EXOC6B: variants seen among roughly 807,000 people sequenced by gnomAD.
The protein encoded by EXOC6B is exocyst complex component 6B.
Under a neutral mutation model 113.5 loss-of-function variants are expected in EXOC6B, and 54 were observed. The ratio of observed to expected loss-of-function variants is 0.48; its 90% CI spans 0.38 to 0.60. The LOEUF is 0.60. Among genes scored for constraint, EXOC6B ranks in the 20% least tolerant of loss-of-function variants. EXOC6B has a pLI of 0.00. For synonymous variants in EXOC6B, 357 were observed against 339.0 expected, an observed-to-expected ratio of 1.05 and a Z score of -0.58; for missense variants, 797 against 977.5, an observed-to-expected ratio of 0.82 and a Z score of 2.46.
chr2:72,451,925 A>G (rs1696944673), intron 18 of EXOC6B, among the ~76,000 whole-genome samples: 1 of 152,172 alleles, frequency 6.6e-6, no homozygotes, highest in South Asian at 2.1e-4. Flanking sequence ...GTATTACAGA[A>G]GAGTGGAATA....
intron 1 of EXOC6B, among the ~76,000 whole-genome samples, chr2:72,821,947 A>G (rs1686605602): frequency 6.6e-6 from 1 of 152,222 alleles, no homozygotes; most frequent in African/African-American, 2.4e-5. Flanking sequence ...GGTAAATTGT[A>G]TGATACATGA....
intron 17 of EXOC6B, among the ~76,000 whole-genome samples, chr2:72,473,352 G>C (rs1698528430): frequency 6.6e-6 from 1 of 152,006 alleles, no homozygotes; most frequent in African/African-American, 2.4e-5. Context: ...TATGAATCTA[G>C]GTGCTCCAGT....
rs1553464052 is a variant in EXOC6B at position 72,671,787 on chromosome 2, G to GAAAGAAAGAA, written c.669+46306_669+46315dup. Among the ~76,000 whole-genome samples the GAAAGAAAGAA allele has an allele frequency of 6.4e-3, 670 of 104,914 alleles. 16 individuals are homozygous for GAAAGAAAGAA. Among genetic ancestry groups the GAAAGAAAGAA allele is most frequent in the African/African-American group, 0.025 (499 of 20,250 alleles). 68.8% of individuals were successfully genotyped at this position (104,914 alleles called of 152,430 possible). On this transcript the variant is annotated intron_variant, in intron 6 of 21. Coordinates refer to ENST00000272427, the MANE Select transcript of EXOC6B (RefSeq NM_015189.3). The stretch of plus-strand genomic sequence containing the variant: ...AGAAAGAAAGAAAGAAAGAAAGAAA[G>GAAAGAAAGAA]AAAGAAAGAAAGAAAGAAAGAAAGA...
At chr2:72,304,193 C>T (rs991335433) in intron 20 of EXOC6B, among the ~76,000 whole-genome samples, 55 of 152,280 alleles carry the variant, frequency 3.6e-4, no homozygotes, top group African/African-American at 1.3e-3. Flanking sequence ...TATGATTGGT[C>T]CATAATTTAG....
intron 6 of EXOC6B, among the ~76,000 whole-genome samples, chr2:72,648,892 C>T (rs182986027): frequency 6.6e-6 from 1 of 152,248 alleles, no homozygotes; most frequent in Admixed American, 6.5e-5. Flanking sequence ...GCTTGTAATT[C>T]CAGCACTTTG....
chr2:72,641,623 C>A (rs1161235506), intron 6 of EXOC6B, among the ~76,000 whole-genome samples: 2 of 152,252 alleles, frequency 1.3e-5, no homozygotes, highest in East Asian at 1.9e-4. Flanking sequence ...TAGACCCCAC[C>A]TCTGGGAGCA....
intron 21 of EXOC6B, among the ~76,000 whole-genome samples, chr2:72,182,719 C>G (rs577360817): frequency 6.6e-6 from 1 of 152,126 alleles, no homozygotes; most frequent in East Asian, 1.9e-4. Context: ...CTGTAAGGGC[C>G]AAGGATAGAG....
intron 18 of EXOC6B, among the ~76,000 whole-genome samples, chr2:72,459,564 GACAA>G (rs1257053332): frequency 6.6e-6 from 1 of 152,044 alleles, no homozygotes; most frequent in Non-Finnish European, 1.5e-5. Context: ...ACCAATAACA[GACAA>G]ACAGAGAGCC....
At chr2:72,194,482 AC>A (rs1679036640) in intron 20 of EXOC6B, among the ~76,000 whole-genome samples, 1 of 152,152 alleles carries the variant, frequency 6.6e-6, no homozygotes, top group South Asian at 2.1e-4. Context: ...GCAATTCATG[AC>A]ACAATCAACC....
In EXOC6B at chr2:72,726,743, G is replaced by A. The variant is rs144232536; in HGVS notation, c.464+4264C>T. Among the ~76,000 whole-genome samples the A allele has an allele frequency of 2.4e-3, 371 of 152,092 alleles. 1 individual carries two copies. Among genetic ancestry groups the A allele is most frequent in the African/African-American group, 8.6e-3 (355 of 41,512 alleles). Reference sequence around the variant, plus strand: ...AAGAATCTTGCATTGTGTGTGATTTGGTGTAATATTTAAAGACTCATTGTA... The same window carrying A: ...AAGAATCTTGCATTGTGTGTGATTTAGTGTAATATTTAAAGACTCATTGTA... On this transcript the variant is annotated intron_variant, in intron 5 of 21. Transcript: ENST00000272427.
Position 72,660,718 on chromosome 2 carries a change from T to C in EXOC6B, c.669+57385A>G, listed in dbSNP as rs545384450. Among the ~76,000 whole-genome samples the C allele has an allele frequency of 2.0e-5, 3 of 152,312 alleles. No homozygotes were observed. The South Asian group carries it at 6.2e-4, about 32-fold the overall frequency. On this transcript the variant is annotated intron_variant, in intron 6 of 21. Transcript: ENST00000272427. Reference sequence around the variant, plus strand: ...TAGTTATAAAATGATGACAGAAGTATTGGAGCAGCTATTTAAAGACTCTGA... The same window carrying C: ...TAGTTATAAAATGATGACAGAAGTACTGGAGCAGCTATTTAAAGACTCTGA...
chr2:72,471,337 G>C lies in EXOC6B; in HGVS notation c.1801-5998C>G, dbSNP rs368369597. ...TTGTTTTTTTCTTGTAAATTTGTTT[G>C]AGTTTATTGTAGATTCTGGATATTA... is the stretch of plus-strand genomic sequence containing the variant. On this transcript the variant is annotated intron_variant, in intron 17 of 21. Coordinates refer to ENST00000272427, the MANE Select transcript of EXOC6B (RefSeq NM_015189.3). Among the ~76,000 whole-genome samples, 523 of 152,096 alleles carry C rather than the reference G, an allele frequency of 3.4e-3. 2 individuals carry two copies. The highest frequency in any genetic ancestry group is 0.012 in the African/African-American group (498 of 41,522).
intron 7 of EXOC6B, among the ~76,000 whole-genome samples, chr2:72,572,291 G>A (rs1558807188): frequency 6.6e-6 from 1 of 152,110 alleles, no homozygotes; most frequent in East Asian, 1.9e-4. Context: ...GTTAAAAAAT[G>A]CAGACTCAGA....
chr2:72,267,449 G>T (rs1257929355), intron 20 of EXOC6B, among the ~76,000 whole-genome samples: 1 of 152,136 alleles, frequency 6.6e-6, no homozygotes, highest in Admixed American at 6.5e-5. Context: ...CTAATTTATC[G>T]AGAGTTTTTA....
chr2:72,770,946 C>T (rs6761253), intron 1 of EXOC6B, among the ~76,000 whole-genome samples: 41,395 of 151,746 alleles, frequency 0.27, 7,307 homozygotes, highest in African/African-American at 0.5. Context: ...CCCCCTCGCC[C>T]CCAGAAAAAT....
intron 1 of EXOC6B, among the ~76,000 whole-genome samples, chr2:72,769,775 GCA>G (rs1325858959): frequency 1.3e-5 from 2 of 152,092 alleles, no homozygotes; most frequent in African/African-American, 4.8e-5. Context: ...TCGTGCCACT[GCA>G]CTCCAGCCTG....
chr2:72,195,444 G>C (rs886076932), intron 20 of EXOC6B, among the ~76,000 whole-genome samples: 1 of 152,222 alleles, frequency 6.6e-6, no homozygotes, highest in Non-Finnish European at 1.5e-5. Flanking sequence ...AAGCAGGCAG[G>C]TGTGAATTTT....
At chr2:72,679,073 C>CT (rs549104274) in intron 6 of EXOC6B, among the ~76,000 whole-genome samples, 65 of 146,230 alleles carry the variant, frequency 4.4e-4, no homozygotes, top group Non-Finnish European at 4.8e-4. Context: ...CATATAATCT[C>CT]TTTTTTTTTT....
intron 6 of EXOC6B, among the ~76,000 whole-genome samples, chr2:72,631,400 G>C (rs957866430): frequency 2.2e-5 from 3 of 135,234 alleles, no homozygotes; most frequent in African/African-American, 5.3e-5. Flanking sequence ...ATAGTAGTGT[G>C]TGTATATGTG....
Sources: gnomAD v4.1 joint callset for allele counts (sites outside exome capture counted in the v4.1 genomes callset) on GRCh38, gnomAD v4.1.1 for gene constraint, MANE v1.5 for transcripts, NCBI Gene and HGNC (gene_info 2026-07-23, HGNC 2026-07-21) for gene names.